Variants in CTNND2 observed in about 807,000 individuals in gnomAD.
CTNND2 encodes catenin delta-2.
In CTNND2, 22 loss-of-function variants were observed where a neutral mutation model predicts 144.4. The ratio of observed to expected loss-of-function variants is 0.15; its 90% CI spans 0.11 to 0.22. The LOEUF (loss-of-function observed/expected upper bound fraction) is 0.22, where lower values mean the gene tolerates loss of function less well. CTNND2 is among the 10% of genes least tolerant of loss of function. The probability of loss-of-function intolerance (pLI) is 1.00; values close to 1 mark genes in which losing one functional copy is unlikely to be tolerated. For missense variants in CTNND2, 1,353 were observed against 1,618.8 expected (o/e 0.84, Z 2.82); for synonymous variants, 751 against 695.6 (o/e 1.08, Z -1.25).
rs187001938 is a variant in CTNND2, at chr5:11,870,770, T to C, written c.37+33047A>G. On this transcript the variant is annotated intron_variant, in intron 1 of 21. Coordinates refer to ENST00000304623, the MANE Select transcript of CTNND2 (RefSeq NM_001332.4). ...GCAAGAACTGGCAGGAAAATGGAAG[T>C]TAATGCCTGGAGGGAAACTTCCACA... 2.4e-4 allele frequency among the ~76,000 whole-genome samples: 36 copies of C among 152,256 alleles called. 1 individual carries two copies. In the East Asian group the frequency reaches 6.8e-3, roughly 29 times the overall value.
intron 9 of CTNND2, among the ~76,000 whole-genome samples, chr5:11,306,564 T>C (rs568483390): frequency 3.3e-5 from 5 of 152,348 alleles, no homozygotes; most frequent in East Asian, 1.9e-4. Flanking sequence ...AAGTTATTTG[T>C]CATTCTGTTG....
chr5:11,232,365 G>A (rs916360752), intron 10 of CTNND2, among the ~76,000 whole-genome samples: 1 of 152,264 alleles, frequency 6.6e-6, no homozygotes, highest in Non-Finnish European at 1.5e-5. Context: ...AAGCAGCTGG[G>A]AGTGGGGCTG....
intron 5 of CTNND2, among the ~76,000 whole-genome samples, chr5:11,411,075 T>C (rs557550077): frequency 5.9e-5 from 9 of 152,058 alleles, no homozygotes; most frequent in Non-Finnish European, 1.3e-4. Context: ...GGTGTCACCA[T>C]ATTGGCCAGG....
intron 9 of CTNND2, among the ~76,000 whole-genome samples, chr5:11,295,360 G>A (rs171700): frequency 0.47 from 70,872 of 151,770 alleles, 16,771 homozygotes; most frequent in African/African-American, 0.53. Flanking sequence ...AGAACATTCC[G>A]TGTTCATGGG....
At chr5:11,331,541 T>C (rs920181002) in intron 9 of CTNND2, among the ~76,000 whole-genome samples, 27 of 152,242 alleles carry the variant, frequency 1.8e-4, no homozygotes, top group African/African-American at 6.5e-4. Flanking sequence ...TTATGTAATT[T>C]TAAACATGAT....
chr5:11,172,508 GA>G (rs1286675731), intron 11 of CTNND2, among the ~76,000 whole-genome samples: 4 of 152,180 alleles, frequency 2.6e-5, no homozygotes, highest in Non-Finnish European at 5.9e-5. Flanking sequence ...AACCACTAAA[GA>G]ATTCAATCTC....
rs532042181 is a variant in CTNND2, at chr5:11,699,277, C to T, written c.174+32859G>A. ...CAACTCAGGATAGAGGCCAAGAGTC[C>T]ACGGGGAGACAAAGTGGAGAGTGTG... On this transcript the variant is annotated intron_variant, in intron 2 of 21. Coordinates refer to ENST00000304623, the MANE Select transcript of CTNND2 (RefSeq NM_001332.4). 2.6e-5 allele frequency among the ~76,000 whole-genome samples: 4 copies of T among 152,028 alleles called. No individual in the cohort carries two copies. The East Asian group carries it at 7.8e-4, about 29-fold the overall frequency.
At chr5:11,862,986 C>T (rs4235617) in intron 1 of CTNND2, among the ~76,000 whole-genome samples, 98,260 of 152,064 alleles carry the variant, frequency 0.65, 32,549 homozygotes, top group East Asian at 0.81. Flanking sequence ...CAAAATTCAA[C>T]GTATACAGCT....
At chr5:11,486,980 A>G (rs1239783227) in intron 3 of CTNND2, among the ~76,000 whole-genome samples, 1 of 152,162 alleles carries the variant, frequency 6.6e-6, no homozygotes, top group Non-Finnish European at 1.5e-5. Context: ...CATATGTAAA[A>G]TGTCTATTTT....
chr5:11,111,410 G>A (rs992663824), intron 13 of CTNND2, among the ~76,000 whole-genome samples: 2 of 152,100 alleles, frequency 1.3e-5, no homozygotes, highest in Non-Finnish European at 1.5e-5. Context: ...ATTGGGGATC[G>A]GGTAATGAGG....
intron 2 of CTNND2, among the ~76,000 whole-genome samples, chr5:11,579,614 C>T (rs1211065718): frequency 6.6e-6 from 1 of 152,226 alleles, no homozygotes; most frequent in African/African-American, 2.4e-5. Flanking sequence ...AGCAAATTAG[C>T]AGCCCATAAC....
intron 18 of CTNND2, among the ~76,000 whole-genome samples, chr5:10,993,459 T>C (rs1214592616): frequency 6.6e-6 from 1 of 152,228 alleles, no homozygotes; most frequent in African/African-American, 2.4e-5. Flanking sequence ...CCAGTCTTTT[T>C]TTCTTTTTTA....
At chr5:11,665,829 A>C (rs2126584028) in intron 2 of CTNND2, among the ~76,000 whole-genome samples, 2 of 152,282 alleles carry the variant, frequency 1.3e-5, no homozygotes, top group Middle Eastern at 6.8e-3. Flanking sequence ...TGTCCTTCCA[A>C]GTGGACCACA....
intron 2 of CTNND2, among the ~76,000 whole-genome samples, chr5:11,589,777 C>T (rs1443067100): frequency 6.6e-6 from 1 of 152,128 alleles, no homozygotes; most frequent in Non-Finnish European, 1.5e-5. Flanking sequence ...AAATGGATCC[C>T]AGGTCCACAT....
chr5:11,351,185 G>A (rs576723709), intron 8 of CTNND2, among the ~76,000 whole-genome samples: 24 of 152,096 alleles, frequency 1.6e-4, no homozygotes, highest in African/African-American at 5.1e-4. Context: ...CCTTATTTGC[G>A]TTTTAAAGCT....
intron 5 of CTNND2, among the ~76,000 whole-genome samples, chr5:11,398,952 G>A (rs1378591379): frequency 2.0e-5 from 3 of 152,220 alleles, no homozygotes; most frequent in Non-Finnish European, 4.4e-5. Context: ...TGAGATATGG[G>A]AGAGCCTCTG....
intron 11 of CTNND2, among the ~76,000 whole-genome samples, chr5:11,198,600 G>A (rs2149826200): frequency 6.6e-6 from 1 of 152,344 alleles, no homozygotes; most frequent in Non-Finnish European, 1.5e-5. Context: ...GATCTTTTTA[G>A]ACAGTCAACT....
chr5:11,571,333 C>T (rs1777535513), intron 2 of CTNND2, among the ~76,000 whole-genome samples: 3 of 152,128 alleles, frequency 2.0e-5, no homozygotes, highest in Admixed American at 2.0e-4. Flanking sequence ...TCCAGGAGAA[C>T]CACTGTGTGC....
intron 16 of CTNND2, among the ~76,000 whole-genome samples, chr5:11,048,217 G>A (rs905035424): frequency 2.6e-5 from 4 of 152,060 alleles, no homozygotes; most frequent in Non-Finnish European, 4.4e-5. Context: ...TCCAATCTCT[G>A]CATCTACTTA....
Sources: gnomAD v4.1 joint callset for allele counts (sites outside exome capture counted in the v4.1 genomes callset) on GRCh38, gnomAD v4.1.1 for gene constraint, MANE v1.5 for transcripts, NCBI Gene and HGNC (gene_info 2026-07-23, HGNC 2026-07-21) for gene names.